PKNOX2: variants seen among roughly 807,000 people sequenced by gnomAD.
The protein encoded by PKNOX2 is PBX/knotted 1 homeobox 2.
A neutral mutation model predicts 53.1 loss-of-function variants in PKNOX2; 14 were observed. The ratio of observed to expected loss-of-function variants is 0.26; its 90% CI spans 0.17 to 0.41. The LOEUF is 0.41. PKNOX2 is among the 10% of genes least tolerant of loss of function. PKNOX2 has a pLI of 1.00. For synonymous variants in PKNOX2, 257 were observed against 242.8 expected (o/e 1.06, Z -0.54); for missense variants, 496 against 602.8 (o/e 0.82, Z 1.85).
chr11:125,186,404 A>C (rs1381782646), intron 1 of PKNOX2, among the ~76,000 whole-genome samples: 2 of 152,156 alleles, frequency 1.3e-5, no homozygotes, highest in Non-Finnish European at 2.9e-5. Context: ...GTAATCCCAG[A>C]ACTTTGAGAG....
intron 7 of PKNOX2, among the ~76,000 whole-genome samples, chr11:125,409,444 A>G (rs1955346772): frequency 6.6e-6 from 1 of 152,180 alleles, no homozygotes; most frequent in African/African-American, 2.4e-5. Flanking sequence ...TGAGGAAGAG[A>G]ACAGGATCGA....
chr11:125,420,663 C>T (rs373633206), intron 10 of PKNOX2, among the ~76,000 whole-genome samples: 11 of 152,262 alleles, frequency 7.2e-5, no homozygotes, highest in African/African-American at 2.2e-4. Flanking sequence ...CTCTCTAAGC[C>T]TCTCTATCTT....
intron 1 of PKNOX2, among the ~76,000 whole-genome samples, chr11:125,212,761 C>A (rs1255146728): frequency 6.6e-6 from 1 of 151,930 alleles, no homozygotes; most frequent in Non-Finnish European, 1.5e-5. Flanking sequence ...TCCTCTTGAC[C>A]GGTTCTACAG....
rs144560807 is a variant in PKNOX2, at chr11:125,276,209, C to T, written c.-130+41094C>T. Among the ~76,000 whole-genome samples the T allele has an allele frequency of 3.7e-3, 562 of 151,936 alleles. 2 individuals carry two copies. Among genetic ancestry groups the T allele is most frequent in the African/African-American group, 0.013 (522 of 41,406 alleles). ...TCTTGGTAATTAGTCATCAGTGGAG[C>T]GGTGGGTAATAAAGCCTGATTGGGG... is the stretch of plus-strand genomic sequence containing the variant. On this transcript the variant is annotated intron_variant, in intron 2 of 12. Transcript: ENST00000298282.
At chr11:125,237,426 C>A (rs981449425) in intron 2 of PKNOX2, among the ~76,000 whole-genome samples, 3 of 152,152 alleles carry the variant, frequency 2.0e-5, no homozygotes, top group African/African-American at 7.2e-5. Flanking sequence ...ATTGAAAGAA[C>A]AGGATGAAGA....
chr11:125,316,134 G>T (rs114171875), intron 2 of PKNOX2, among the ~76,000 whole-genome samples: 1 of 152,122 alleles, frequency 6.6e-6, no homozygotes, highest in Non-Finnish European at 1.5e-5. Context: ...TGCGAAGGAC[G>T]CATGGAGGGA....
chr11:125,291,051 G>A (rs1947271563), intron 2 of PKNOX2, among the ~76,000 whole-genome samples: 1 of 152,326 alleles, frequency 6.6e-6, no homozygotes, highest in African/African-American at 2.4e-5. Context: ...AGAGCACAAA[G>A]GGGGTCTCTT....
intron 2 of PKNOX2, among the ~76,000 whole-genome samples, chr11:125,327,473 T>C (rs1335227442): frequency 6.6e-6 from 1 of 152,252 alleles, no homozygotes; most frequent in African/African-American, 2.4e-5. Flanking sequence ...TCTGACTTTC[T>C]GTCTGCATCT....
chr11:125,222,753 C>T (rs1256422381), intron 1 of PKNOX2, among the ~76,000 whole-genome samples: 2 of 131,078 alleles, frequency 1.5e-5, no homozygotes, highest in African/African-American at 5.9e-5. Flanking sequence ...GTCTGTGTGC[C>T]TGTGTATGTG....
At chr11:125,427,163 G>A (rs934455821) in intron 10 of PKNOX2, among the ~76,000 whole-genome samples, 3 of 152,206 alleles carry the variant, frequency 2.0e-5, no homozygotes, top group Non-Finnish European at 4.4e-5. Context: ...GACCCCAGAA[G>A]GTGTCAGAGC....
At chr11:125,179,915 C>T (rs909148944) in intron 1 of PKNOX2, among the ~76,000 whole-genome samples, 4 of 152,258 alleles carry the variant, frequency 2.6e-5, no homozygotes, top group East Asian at 1.9e-4. Context: ...AATTCATTGA[C>T]GTTAAAGCTT....
intron 2 of PKNOX2, among the ~76,000 whole-genome samples, chr11:125,275,694 G>A (rs981780811): frequency 2.6e-5 from 4 of 152,280 alleles, no homozygotes; most frequent in Admixed American, 6.5e-5. Context: ...CACCTGAATG[G>A]AGAGTTTTAC....
At chr11:125,238,102 C>T (rs771636493) in intron 2 of PKNOX2, among the ~76,000 whole-genome samples, 15 of 152,230 alleles carry the variant, frequency 9.9e-5, no homozygotes, top group South Asian at 4.2e-4. Context: ...TTTTCTGACC[C>T]GGATGCAGCT....
intron 7 of PKNOX2, among the ~76,000 whole-genome samples, chr11:125,398,712 C>T (rs1954563071): frequency 6.6e-6 from 1 of 152,222 alleles, no homozygotes; most frequent in Non-Finnish European, 1.5e-5. Flanking sequence ...TGGGGTTTCC[C>T]CTCCAGGGCA....
chr11:125,283,166 TAATAA>T (rs140414026), intron 2 of PKNOX2, among the ~76,000 whole-genome samples: 22,562 of 151,022 alleles, frequency 0.15, 3,357 homozygotes, highest in African/African-American at 0.38. Flanking sequence ...AATATATAAA[TAATAA>T]AATAAAATAA....
intron 3 of PKNOX2, among the ~76,000 whole-genome samples, chr11:125,350,133 T>C (rs945520663): frequency 6.6e-6 from 1 of 152,166 alleles, no homozygotes; most frequent in Non-Finnish European, 1.5e-5. Context: ...CCTCCTACCC[T>C]ACAGTGGACA....
intron 2 of PKNOX2, among the ~76,000 whole-genome samples, chr11:125,250,754 C>T (rs1181633464): frequency 1.3e-5 from 2 of 152,214 alleles, no homozygotes; most frequent in African/African-American, 4.8e-5. Flanking sequence ...CGGAGGAGAC[C>T]GCAGGCTTTC....
At chr11:125,311,683 G>A (rs1948818499) in intron 2 of PKNOX2, among the ~76,000 whole-genome samples, 1 of 152,180 alleles carries the variant, frequency 6.6e-6, no homozygotes, top group South Asian at 2.1e-4. Flanking sequence ...TTTGTGTGGT[G>A]ATTGTACAGT....
rs889617908 is a variant in PKNOX2 at position 125,166,311 on chromosome 11, G to A, written c.-201+1535G>A. Among the ~76,000 whole-genome samples, 1 of 152,176 alleles carries A rather than the reference G, an allele frequency of 6.6e-6. No individual in the cohort carries two copies. Among genetic ancestry groups the A allele is most frequent in the Non-Finnish European group, 1.5e-5 (1 of 68,028 alleles). ...CGTGTGAAAAAGCGTTTAGGTAGGC[G>A]ATGAAAGTAGTTGATCTGAGCCATG... is the stretch of plus-strand genomic sequence containing the variant. On this transcript the variant is annotated intron_variant, in intron 1 of 12. Transcript: ENST00000298282. The surrounding 1 kb of genome is among the most constrained non-coding windows in gnomAD (Gnocchi z 4.0).
Sources: gnomAD v4.1 joint callset for allele counts (sites outside exome capture counted in the v4.1 genomes callset) on GRCh38, gnomAD v4.1.1 for gene constraint, Gnocchi (gnomAD v3.1) non-coding constraint, MANE v1.5 for transcripts, NCBI Gene and HGNC (gene_info 2026-07-23, HGNC 2026-07-21) for gene names.